The following ACACA variants were observed in gnomAD, a reference collection of about 807,000 sequenced individuals.
ACACA encodes acetyl-CoA carboxylase 1.
ACACA carries 103 observed loss-of-function variants against 296.1 expected under a neutral mutation model. That is an observed-to-expected ratio of 0.35 (90% confidence interval 0.30 to 0.41). ACACA has a LOEUF of 0.41. Among genes scored for constraint, ACACA ranks in the 10% least tolerant of loss-of-function variants. ACACA has a pLI of 1.00. For synonymous variants in ACACA, 953 were observed against 1,038.6 expected, an observed-to-expected ratio of 0.92 and a Z score of 1.58; for missense variants, 1,554 against 2,989.7, an observed-to-expected ratio of 0.52 and a Z score of 11.20.
At chr17:37,295,805 G>A (rs558111499) in intron 3 of ACACA, among the ~76,000 whole-genome samples, 32 of 151,908 alleles carry the variant, frequency 2.1e-4, no homozygotes, top group Non-Finnish European at 4.1e-4. Context: ...GGCACCTATA[G>A]TCCCAGCTAC....
chr17:37,317,752 G>A (rs1305081569), intron 3 of ACACA, among the ~76,000 whole-genome samples: 8 of 152,102 alleles, frequency 5.3e-5, no homozygotes, highest in Non-Finnish European at 5.9e-5. Flanking sequence ...CAGCTGTACC[G>A]AGCCTTACTT....
chr17:37,354,766 CA>C (rs1241283118), intron 1 of ACACA, among the ~76,000 whole-genome samples: 2 of 151,662 alleles, frequency 1.3e-5, no homozygotes, highest in Non-Finnish European at 2.9e-5. Context: ...CTCCACCCCA[CA>C]AAAAAAATTT....
intron 35 of ACACA, among the ~76,000 whole-genome samples, chr17:37,198,455 A>G (rs1218452869): frequency 6.6e-6 from 1 of 152,190 alleles, no homozygotes; most frequent in Non-Finnish European, 1.5e-5. Flanking sequence ...TGGCTCTGGC[A>G]TGTCTACCTT....
chr17:37,144,340 T>C (rs2075723621), intron 45 of ACACA: 2 of 506,082 alleles, frequency 4.0e-6, no homozygotes, highest in Non-Finnish European at 7.3e-6. Context: ...AGTGCCTGTC[T>C]GGCTCTCGCT....
chr17:37,137,165 T>A (rs1488605020), intron 45 of ACACA, among the ~76,000 whole-genome samples: 1 of 152,188 alleles, frequency 6.6e-6, no homozygotes, highest in Non-Finnish European at 1.5e-5. Context: ...TTCTTTTGGA[T>A]ACCAATCTTT....
At chr17:37,344,515 G>C (rs1018198439) in intron 1 of ACACA, among the ~76,000 whole-genome samples, 1 of 152,024 alleles carries the variant, frequency 6.6e-6, no homozygotes, top group Non-Finnish European at 1.5e-5. Context: ...CTGAGATCAT[G>C]CCATTGCATT....
intron 30 of ACACA, among the ~76,000 whole-genome samples, chr17:37,209,100 A>G (rs2078638421): frequency 6.6e-6 from 1 of 152,224 alleles, no homozygotes; most frequent in East Asian, 1.9e-4. Flanking sequence ...GAAAAGGTAC[A>G]TCATCTTTTG....
In ACACA at chr17:37,161,989, A is replaced by T; in HGVS notation, c.5141T>A (p.Ile1714Asn). The change falls in exon 42 of 56, where the codon ATC (isoleucine) becomes AAC (asparagine). Residue 1714 changes from isoleucine to asparagine, a missense_variant. Physicochemically the swap from Ile to Asn is moderately radical, Grantham distance 149. Transcript: ENST00000616317. ...TGTGATGTCATTGCCAATAACAATGATATCTCGGCCTTCTGGATATTCAGG... is the reference window on the plus strand; with the variant it reads ...TGTGATGTCATTGCCAATAACAATGTTATCTCGGCCTTCTGGATATTCAGG... Reference protein sequence around the residue: ...KSPEYPEGRDIIVIGNDITYR... With the variant: ...KSPEYPEGRDNIVIGNDITYR... The T allele has an allele frequency of 6.2e-7, 1 of 1,614,238 alleles. No homozygotes were observed. The highest frequency in any genetic ancestry group is 8.5e-7 in the Non-Finnish European group (1 of 1,180,032).
chr17:37,131,518 C>T (rs898612311), intron 45 of ACACA, among the ~76,000 whole-genome samples: 6 of 152,100 alleles, frequency 3.9e-5, no homozygotes, highest in Admixed American at 6.5e-5. Context: ...TAAAAAATAA[C>T]GACAATACAA....
chr17:37,394,652 G>A (rs1202821759), intron 1 of ACACA, among the ~76,000 whole-genome samples: 3 of 150,840 alleles, frequency 2.0e-5, no homozygotes, highest in Admixed American at 6.6e-5. Flanking sequence ...CGAGGCAGGC[G>A]GATCACGAGG....
intron 8 of ACACA, among the ~76,000 whole-genome samples, chr17:37,275,246 C>A (rs1276466503): frequency 6.6e-6 from 1 of 151,892 alleles, no homozygotes; most frequent in Non-Finnish European, 1.5e-5. Flanking sequence ...GCCTGTAATC[C>A]CAGCACTTTG....
chr17:37,365,685 C>T (rs2049582384), intron 1 of ACACA: 3 of 985,252 alleles, frequency 3.0e-6, no homozygotes, highest in Admixed American at 6.2e-5. Context: ...GAATTAAGAG[C>T]CTGAAGGAAC....
At chr17:37,336,276 C>G (rs531548664) in intron 2 of ACACA, among the ~76,000 whole-genome samples, 4 of 152,226 alleles carry the variant, frequency 2.6e-5, no homozygotes, top group African/African-American at 9.6e-5. Flanking sequence ...TACTACGCCC[C>G]AATTCAGCAG....
At chr17:37,378,078 A>G in intron 1 of ACACA, 1 of 985,114 alleles carries the variant, frequency 1.0e-6, no homozygotes, top group Non-Finnish European at 1.5e-6. Flanking sequence ...TCCTATTTTA[A>G]GGATATGTAT....
chr17:37,223,463 C>T (rs747174383), intron 28 of ACACA, 49 bp downstream of exon 28: 2 of 1,445,668 alleles, frequency 1.4e-6, no homozygotes, highest in South Asian at 2.3e-5. Context: ...CAGAAGAAAC[C>T]AGCTAGAAAC....
chr17:37,272,513 T>C (rs2146420981), intron 9 of ACACA, among the ~76,000 whole-genome samples: 1 of 151,954 alleles, frequency 6.6e-6, no homozygotes, highest in African/African-American at 2.4e-5. Flanking sequence ...ATGAACTCAA[T>C]TGCTGAGTGA....
intron 24 of ACACA, among the ~76,000 whole-genome samples, chr17:37,236,911 T>C (rs1014561672): frequency 4.6e-5 from 7 of 152,210 alleles, no homozygotes; most frequent in African/African-American, 7.2e-5. Flanking sequence ...ATAGAATATA[T>C]GGTATCAGTT....
chr17:37,123,394 C>G (rs556857986), intron 48 of ACACA, among the ~76,000 whole-genome samples: 1 of 152,312 alleles, frequency 6.6e-6, no homozygotes, highest in South Asian at 2.1e-4. Flanking sequence ...TTATACTCCA[C>G]TATGACTTCC....
At chr17:37,382,644 G>C (rs1010981670) in intron 1 of ACACA, among the ~76,000 whole-genome samples, 2 of 152,154 alleles carry the variant, frequency 1.3e-5, no homozygotes, top group South Asian at 2.1e-4. Context: ...GGCGGATCAT[G>C]AGGTCAAGAG....
Sources: gnomAD v4.1 joint callset for allele counts (sites outside exome capture counted in the v4.1 genomes callset) on GRCh38, gnomAD v4.1.1 for gene constraint, MANE v1.5 for transcripts, NCBI Gene and HGNC (gene_info 2026-07-23, HGNC 2026-07-21) for gene names.